Variants in ECT2L observed in about 807,000 individuals in gnomAD.
ECT2L encodes the protein epithelial cell transforming 2 like.
Under a neutral mutation model 122.8 loss-of-function variants are expected in ECT2L, and 126 were observed. The observed-to-expected ratio is 1.03, with a 90% CI of 0.89 to 1.19. ECT2L has a LOEUF of 1.19. Among genes scored for constraint, ECT2L ranks in the 50% most tolerant of loss-of-function variants. The probability of loss-of-function intolerance (pLI) is 0.00; values close to 1 mark genes in which losing one functional copy is unlikely to be tolerated. For missense variants in ECT2L, 1,012 were observed against 1,064.1 expected (o/e 0.95, Z 0.68); for synonymous variants, 385 against 381.8 (o/e 1.01, Z -0.10).
rs182449468 is a variant in ECT2L, at chr6:138,808,142, T to A, written c.-243-4696T>A. Reference sequence around the variant, plus strand: ...TTAGAAGAATCAATATCTTCACAGATGTATACTCTTCTTTAGGTCTTTAAA... The same window carrying A: ...TTAGAAGAATCAATATCTTCACAGAAGTATACTCTTCTTTAGGTCTTTAAA... On this transcript the variant is annotated intron_variant, in intron 1 of 21. Transcript: ENST00000541398. Among the ~76,000 whole-genome samples, 278 of 152,350 alleles carry A rather than the reference T, an allele frequency of 1.8e-3. 1 individual carries two copies. Among genetic ancestry groups the A allele is most frequent in the Admixed American group, 0.014 (210 of 15,300 alleles).
chr6:138,873,655 C>G (rs9484210), intron 13 of ECT2L, among the ~76,000 whole-genome samples: 51,818 of 151,802 alleles, frequency 0.34, 9,014 homozygotes, highest in Admixed American at 0.41. Context: ...TTAGCTGGGC[C>G]TGGTGGTGGG....
At chr6:138,880,477 T>C (rs1233103027) in intron 14 of ECT2L, among the ~76,000 whole-genome samples, 1 of 152,214 alleles carries the variant, frequency 6.6e-6, no homozygotes, top group African/African-American at 2.4e-5. Context: ...ACATTCAAAC[T>C]GTAGCAGAGG....
Position 138,841,400 on chromosome 6 carries a change from C to A in ECT2L, c.343-1579C>A, listed in dbSNP as rs890908349. On this transcript the variant is annotated intron_variant, in intron 5 of 21. Coordinates refer to ENST00000541398, the MANE Select transcript of ECT2L (RefSeq NM_001077706.3). ...ACTTTTGCTTCTGGCACGTCTAGTG[C>A]TAGGAACAAATCCTACAAATCCAGT... 2.0e-5 allele frequency among the ~76,000 whole-genome samples: 3 copies of A among 152,198 alleles called. No homozygotes were observed. The East Asian group carries it at 5.8e-4, about 29-fold the overall frequency.
At chr6:138,836,515 T>A (rs1233240834) in intron 4 of ECT2L, among the ~76,000 whole-genome samples, 1 of 152,008 alleles carries the variant, frequency 6.6e-6, no homozygotes, top group Non-Finnish European at 1.5e-5. Flanking sequence ...TTCAAACTCC[T>A]GACCTCAGGT....
chr6:138,886,090 G>C (rs1484672106), intron 18 of ECT2L, among the ~76,000 whole-genome samples: 3 of 151,448 alleles, frequency 2.0e-5, no homozygotes, highest in Non-Finnish European at 4.4e-5. Context: ...GAAGAATGAA[G>C]TATTTGGACT....
intron 20 of ECT2L, among the ~76,000 whole-genome samples, chr6:138,897,564 C>G (rs373530958): frequency 1.3e-5 from 2 of 152,050 alleles, no homozygotes; most frequent in Non-Finnish European, 2.9e-5. Context: ...TACGGTTAAA[C>G]TTTTAGAGTT....
At chr6:138,822,678 G>A (rs1776306638) in intron 4 of ECT2L, 2 of 1,395,830 alleles carry the variant, frequency 1.4e-6, no homozygotes, top group South Asian at 2.8e-5. Flanking sequence ...AACAGCTCCG[G>A]TCTACAGCTC....
At chr6:138,878,516 G>A (rs547247150) in intron 14 of ECT2L, among the ~76,000 whole-genome samples, 115 of 152,122 alleles carry the variant, frequency 7.6e-4, no homozygotes, top group African/African-American at 2.6e-3. Flanking sequence ...GCATGACCTC[G>A]GCTCACTGCA....
chr6:138,850,859 G>C (rs1777413852), intron 9 of ECT2L, among the ~76,000 whole-genome samples: 2 of 151,842 alleles, frequency 1.3e-5, no homozygotes, highest in South Asian at 4.2e-4. Context: ...AAATTAGCTG[G>C]GTGTGGTAGT....
intron 9 of ECT2L, among the ~76,000 whole-genome samples, chr6:138,852,031 C>A (rs1009851808): frequency 6.6e-6 from 1 of 152,170 alleles, no homozygotes; most frequent in African/African-American, 2.4e-5. Flanking sequence ...GTAATCCTGG[C>A]ACTTTGGGAG....
At chr6:138,890,849 G>T (rs1343450395) in intron 20 of ECT2L, among the ~76,000 whole-genome samples, 1 of 151,770 alleles carries the variant, frequency 6.6e-6, no homozygotes, top group Non-Finnish European at 1.5e-5. Flanking sequence ...TAGGTTGGTG[G>T]TTTTTTCTTT....
chr6:138,850,197 G>C (rs1777386011), intron 9 of ECT2L, among the ~76,000 whole-genome samples: 1 of 151,940 alleles, frequency 6.6e-6, no homozygotes, highest in South Asian at 2.1e-4. Context: ...CTGGAGTGCA[G>C]CGGCACAATC....
chr6:138,831,180 C>T (rs1202322918), intron 4 of ECT2L, among the ~76,000 whole-genome samples: 2 of 152,192 alleles, frequency 1.3e-5, no homozygotes, highest in East Asian at 3.9e-4. Flanking sequence ...TCTATCAATA[C>T]CAGCTTAGGC....
intron 20 of ECT2L, among the ~76,000 whole-genome samples, chr6:138,894,308 GC>G (rs761137929): frequency 2.0e-5 from 3 of 152,094 alleles, no homozygotes; most frequent in Non-Finnish European, 4.4e-5. Flanking sequence ...ACCCGCCTCA[GC>G]CTCCCAAAGT....
chr6:138,803,416 C>T (rs1419858395), intron 1 of ECT2L, among the ~76,000 whole-genome samples: 1 of 152,114 alleles, frequency 6.6e-6, no homozygotes, highest in Non-Finnish European at 1.5e-5. Context: ...TAATGTTCAG[C>T]TCATTATATA....
intron 4 of ECT2L, among the ~76,000 whole-genome samples, chr6:138,818,080 TCAAA>T (rs774172541): frequency 5.3e-4 from 80 of 152,326 alleles, no homozygotes; most frequent in Middle Eastern, 3.4e-3. Context: ...TGGTAATTCC[TCAAA>T]CAAAGGCCTT....
intron 4 of ECT2L, among the ~76,000 whole-genome samples, chr6:138,815,109 A>G (rs1159367925): frequency 6.6e-6 from 1 of 152,070 alleles, no homozygotes; most frequent in Non-Finnish European, 1.5e-5. Flanking sequence ...TATGTCTGTA[A>G]TTTACTTTAA....
At position 138,903,728 on chromosome 6, in the gene ECT2L, C is replaced by T. The variant is rs1053525983; in HGVS notation, c.*1101C>T. The T allele has an allele frequency of 1.4e-4, 21 of 152,098 alleles. No homozygotes were observed. Among genetic ancestry groups the T allele is most frequent in the South Asian group, 6.2e-4 (3 of 4,828 alleles). 9.4% of individuals were successfully genotyped at this position (152,098 alleles called of 1,614,324 possible). ...TGAGTAGTTTCCTGGGCCTTTAATGCTTTAAATTTATTATTTAACAACTAA... is the reference window on the plus strand; with the variant it reads ...TGAGTAGTTTCCTGGGCCTTTAATGTTTTAAATTTATTATTTAACAACTAA... On this transcript the variant is annotated 3_prime_UTR_variant, in exon 22 of 22. Transcript: ENST00000541398.
At chr6:138,889,653 G>T (rs1233598037) in intron 20 of ECT2L, among the ~76,000 whole-genome samples, 1 of 152,038 alleles carries the variant, frequency 6.6e-6, no homozygotes, top group Non-Finnish European at 1.5e-5. Flanking sequence ...AAGTGTTGTG[G>T]GATTTTCACA....
Sources: allele counts gnomAD v4.1 joint callset (sites outside exome capture counted in the v4.1 genomes callset), GRCh38; gene constraint gnomAD v4.1.1; transcripts MANE v1.5; gene names NCBI Gene and HGNC (gene_info 2026-07-23, HGNC 2026-07-21).